Variants in GADL1 observed in about 807,000 individuals in gnomAD.
GADL1 encodes GAD like acidic amino acid decarboxylase 1.
Under a neutral mutation model 69.5 loss-of-function variants are expected in GADL1, and 71 were observed. That is an observed-to-expected ratio of 1.02 (90% CI 0.84 to 1.25). GADL1 has a LOEUF of 1.25. Ranked by LOEUF, GADL1 falls within the 50% of genes most tolerant of loss-of-function variation. The pLI is 0.00. For synonymous variants in GADL1, 254 were observed against 214.4 expected (o/e 1.18, Z -1.62); for missense variants, 737 against 631.8 (o/e 1.17, Z -1.79).
chr3:30,752,532 C>T (rs1453450334), intron 14 of GADL1, among the ~76,000 whole-genome samples: 1 of 152,180 alleles, frequency 6.6e-6, no homozygotes. Context: ...ACACTGTTTG[C>T]TTCTTTAAAT....
At chr3:30,822,898 C>T (rs946683376) in intron 11 of GADL1, among the ~76,000 whole-genome samples, 19 of 151,900 alleles carry the variant, frequency 1.3e-4, no homozygotes, top group African/African-American at 3.4e-4. Flanking sequence ...TCACTGAATA[C>T]GCAGTAGTCT....
intron 1 of GADL1, among the ~76,000 whole-genome samples, chr3:30,880,545 C>T (rs536455083): frequency 7.0e-4 from 107 of 152,038 alleles, no homozygotes; most frequent in Non-Finnish European, 1.1e-3. Flanking sequence ...TTTGCCTATG[C>T]CATGATTGTG....
chr3:30,830,144 AATT>A (rs1287014423), intron 11 of GADL1, among the ~76,000 whole-genome samples: 1 of 151,702 alleles, frequency 6.6e-6, no homozygotes, highest in Non-Finnish European at 1.5e-5. Flanking sequence ...GGTCATAAAT[AATT>A]ATTTGACCTA....
At position 30,893,469 on chromosome 3, in the gene GADL1, C is replaced by T. The variant is rs1285739022; in HGVS notation, c.37+1109G>A. Among the ~76,000 whole-genome samples the T allele has an allele frequency of 2.0e-5, 3 of 152,188 alleles. No homozygotes were observed. In the East Asian group the frequency reaches 5.8e-4, roughly 29 times the overall value. ...ATATTCACCCTACTGTGCAATACAA[C>T]ACTGGAATTTATTCTTACTAACTGC... On this transcript the variant is annotated intron_variant, in intron 1 of 14. Coordinates refer to ENST00000282538, the MANE Select transcript of GADL1 (RefSeq NM_207359.3).
chr3:30,859,286 A>G lies in GADL1; in HGVS notation c.211-2145T>C, dbSNP rs116777438. On this transcript the variant is annotated intron_variant, in intron 2 of 14. Transcript: ENST00000282538. ...TGTGCAAGTAGTATGAAATTAAACT[A>G]TGATGCTATAACCATGACAGGCAGA... Among the ~76,000 whole-genome samples the G allele has an allele frequency of 3.2e-3, 494 of 152,092 alleles. 1 individual carries two copies. The highest frequency in any genetic ancestry group is 0.011 in the African/African-American group (462 of 41,522).
intron 1 of GADL1, among the ~76,000 whole-genome samples, chr3:30,872,032 TG>T (rs1575243259): frequency 6.6e-6 from 1 of 151,972 alleles, no homozygotes; most frequent in Non-Finnish European, 1.5e-5. Flanking sequence ...GGGCATGACG[TG>T]CTGCAATTGT....
intron 14 of GADL1, among the ~76,000 whole-genome samples, chr3:30,753,842 ATC>A (rs573241083): frequency 1.9e-4 from 29 of 152,312 alleles, no homozygotes; most frequent in African/African-American, 4.8e-4. Context: ...GTACACTTAA[ATC>A]TCTGAGGCTC....
Position 30,752,151 on chromosome 3 carries a change from G to C in GADL1, c.1393-23736C>G, listed in dbSNP as rs548915457. Reference sequence around the variant, plus strand: ...GACTGAGTACTTCACTGAGAAGCTTGAGCAGAAGATGCGGCTCTGATGTAG... The same window carrying C: ...GACTGAGTACTTCACTGAGAAGCTTCAGCAGAAGATGCGGCTCTGATGTAG... On this transcript the variant is annotated intron_variant, in intron 14 of 14. Coordinates refer to ENST00000282538, the MANE Select transcript of GADL1 (RefSeq NM_207359.3). Among the ~76,000 whole-genome samples, 23 of 151,990 alleles carry C rather than the reference G, an allele frequency of 1.5e-4. No individual in the cohort carries two copies. In the East Asian group the frequency reaches 2.9e-3, roughly 19 times the overall value.
intron 14 of GADL1, among the ~76,000 whole-genome samples, chr3:30,749,112 A>C (rs1203723594): frequency 6.6e-6 from 1 of 152,162 alleles, no homozygotes; most frequent in East Asian, 1.9e-4. Flanking sequence ...TCCTGATTGG[A>C]ATCTTGCTTT....
chr3:30,836,183 C>A (rs963959673), intron 9 of GADL1, among the ~76,000 whole-genome samples: 4 of 152,062 alleles, frequency 2.6e-5, no homozygotes, highest in Non-Finnish European at 5.9e-5. Context: ...CTCGCTCACA[C>A]TTTCCACCTG....
At chr3:30,831,400 A>AG (rs1427006453) in intron 11 of GADL1, among the ~76,000 whole-genome samples, 9 of 151,918 alleles carry the variant, frequency 5.9e-5, no homozygotes, top group Non-Finnish European at 8.8e-5. Flanking sequence ...GTATTACTGA[A>AG]GTACTATACT....
At chr3:30,779,578 A>C (rs1267083233) in intron 13 of GADL1, among the ~76,000 whole-genome samples, 1 of 152,218 alleles carries the variant, frequency 6.6e-6, no homozygotes, top group Non-Finnish European at 1.5e-5. Flanking sequence ...AATGGCAAAA[A>C]CCACAATGAC....
chr3:30,786,157 C>T (rs1696784277), intron 13 of GADL1, among the ~76,000 whole-genome samples, 198 bp downstream of exon 13: 1 of 152,092 alleles, frequency 6.6e-6, no homozygotes, highest in Non-Finnish European at 1.5e-5. Flanking sequence ...TACTTAAAGG[C>T]AAGTATATTC....
At chr3:30,751,964 C>T (rs1237387664) in intron 14 of GADL1, among the ~76,000 whole-genome samples, 4 of 149,940 alleles carry the variant, frequency 2.7e-5, no homozygotes. Flanking sequence ...ATGAAAAGAA[C>T]AACAGCAAAG....
At chr3:30,774,132 C>T (rs1696480623) in intron 14 of GADL1, among the ~76,000 whole-genome samples, 1 of 152,032 alleles carries the variant, frequency 6.6e-6, no homozygotes, top group Non-Finnish European at 1.5e-5. Context: ...CTAGGGAATA[C>T]CTAGGAAATT....
intron 12 of GADL1, among the ~76,000 whole-genome samples, chr3:30,796,807 GT>G (rs1453414505): frequency 6.6e-6 from 1 of 152,082 alleles, no homozygotes; most frequent in Non-Finnish European, 1.5e-5. Context: ...TTGAGTTAAT[GT>G]TTCCATCGCT....
At chr3:30,844,542 G>C in intron 6 of GADL1, 76 bp from the exon 7 acceptor site, 1 of 944,298 alleles carries the variant, frequency 1.1e-6, no homozygotes, top group Non-Finnish European at 1.7e-6. Context: ...ATTATCAAAG[G>C]TAGATGAAAG....
chr3:30,797,673 T>TTG (rs1697070775), intron 12 of GADL1: 2 of 151,542 alleles, frequency 1.3e-5, no homozygotes, highest in East Asian at 3.9e-4. Context: ...TGTTTTTGTT[T>TTG]TTTTTTTGTT....
At chr3:30,808,442 G>A (rs1292308520) in intron 11 of GADL1, among the ~76,000 whole-genome samples, 3 of 151,252 alleles carry the variant, frequency 2.0e-5, no homozygotes, top group African/African-American at 7.3e-5. Flanking sequence ...AGGTTGCAGT[G>A]AGCTGAGACA....
Sources: gnomAD v4.1 joint callset for allele counts (sites outside exome capture counted in the v4.1 genomes callset) on GRCh38, gnomAD v4.1.1 for gene constraint, MANE v1.5 for transcripts, NCBI Gene and HGNC (gene_info 2026-07-23, HGNC 2026-07-21) for gene names.